Variants in FHDC1 observed in about 807,000 individuals in gnomAD.
FHDC1 encodes the protein FH2 domain containing 1, also known as FH2 domain-containing protein 1.
A neutral mutation model predicts 52.6 loss-of-function variants in FHDC1; 25 were observed. The observed-to-expected ratio is 0.48, with a 90% CI of 0.35 to 0.66. FHDC1 has a LOEUF of 0.66. Ranked by LOEUF, FHDC1 falls within the 30% of genes least tolerant of loss-of-function variation. The probability of loss-of-function intolerance (pLI) is 0.01; values close to 1 mark genes in which losing one functional copy is unlikely to be tolerated. For missense variants in FHDC1, 1,459 were observed against 1,452.8 expected, an observed-to-expected ratio of 1.00 and a Z score of -0.07; for synonymous variants, 616 against 581.5, an observed-to-expected ratio of 1.06 and a Z score of -0.85.
At chr4:152,962,926 C>A in intron 7 of FHDC1, 42 bp downstream of exon 7, 23 of 1,533,332 alleles carry the variant, frequency 1.5e-5, no homozygotes, top group Non-Finnish European at 2.1e-5. Flanking sequence ...TGTTTTCAAC[C>A]TTGTCTATCT....
chr4:152,914,152 C>G, the FHDC1 span, among the ~76,000 whole-genome samples: 2 of 152,146 alleles, frequency 1.3e-5, no homozygotes, highest in South Asian at 4.1e-4. Flanking sequence ...GGTCACAGTT[C>G]CTTTACTATT....
the FHDC1 span, among the ~76,000 whole-genome samples, chr4:152,925,876 A>G: frequency 4.2e-5 from 4 of 94,610 alleles, no homozygotes; most frequent in Admixed American, 1.2e-4. Context: ...GAAGGAGGAG[A>G]AGGAGGAGGA....
intron 1 of FHDC1, among the ~76,000 whole-genome samples, chr4:152,937,627 C>T (rs907202542): frequency 4.6e-5 from 7 of 151,642 alleles, no homozygotes; most frequent in African/African-American, 1.7e-4. Flanking sequence ...CGCTGGGCGC[C>T]CGCCCCGCAG....
chr4:152,959,619 T>A (rs28427240), intron 4 of FHDC1, among the ~76,000 whole-genome samples: 1 of 151,788 alleles, frequency 6.6e-6, no homozygotes, highest in South Asian at 2.1e-4. Flanking sequence ...CAGGCTAGTC[T>A]TGAACTCCTG....
intron 10 of FHDC1, 62 bp from the exon 11 acceptor site, chr4:152,972,315 T>C: frequency 6.7e-7 from 1 of 1,495,676 alleles, no homozygotes; most frequent in South Asian, 1.4e-5. Flanking sequence ...CCGGATGCAG[T>C]GCCCAGCGCC....
chr4:152,967,320 T>G (rs1403721815), intron 9 of FHDC1, among the ~76,000 whole-genome samples: 2 of 151,762 alleles, frequency 1.3e-5, no homozygotes, highest in Non-Finnish European at 2.9e-5. Context: ...CCAACTACTC[T>G]GGAGGCTGAG....
At chr4:152,929,620 A>C in the FHDC1 span, among the ~76,000 whole-genome samples, 1 of 152,166 alleles carries the variant, frequency 6.6e-6, no homozygotes, top group Admixed American at 6.5e-5. This position sits in a 1 kb window ranked among gnomAD's most constrained non-coding sequence, Gnocchi z 4.1. Flanking sequence ...TTCAGGGATC[A>C]CCAGAGACCC....
chr4:152,939,554 A>T (rs1025559568), intron 1 of FHDC1, among the ~76,000 whole-genome samples: 1 of 152,082 alleles, frequency 6.6e-6, no homozygotes, highest in African/African-American at 2.4e-5. Context: ...ACGTTCTAAG[A>T]TTTTTTGTCT....
the FHDC1 span, among the ~76,000 whole-genome samples, chr4:152,913,355 A>G: frequency 3.9e-5 from 6 of 152,242 alleles, no homozygotes; most frequent in African/African-American, 1.2e-4. Flanking sequence ...AAAGTGTTAC[A>G]TAAAGTAAAA....
chr4:152,975,400 G>T lies in FHDC1; in HGVS notation c.2109G>T (p.Pro703=). 6.2e-7 allele frequency: 1 copy of T among 1,613,634 alleles called. No individual in the cohort carries two copies. Among genetic ancestry groups the T allele is most frequent in the Non-Finnish European group, 8.5e-7 (1 of 1,180,040 alleles). ...TSQLTLSDFS[P]MELESVGHRG... ...AGCTGACTCTGAGTGACTTCAGCCC[G>T]ATGGAGCTAGAGTCTGTGGGGCATA... The change falls in exon 12 of 12, where the codon CCG becomes CCT. Residue 703 remains proline (P), a synonymous_variant. Coordinates refer to ENST00000511601, the MANE Select transcript of FHDC1 (RefSeq NM_001371116.1).
At chr4:152,920,193 C>T in the FHDC1 span, among the ~76,000 whole-genome samples, 1 of 151,890 alleles carries the variant, frequency 6.6e-6, no homozygotes, top group Non-Finnish European at 1.5e-5. Flanking sequence ...GTGATCCACC[C>T]CCATTGGCCT....
the FHDC1 span, among the ~76,000 whole-genome samples, chr4:152,921,624 CCCTT>C: frequency 8.0e-6 from 1 of 125,420 alleles, no homozygotes; most frequent in East Asian, 2.7e-4. Context: ...CTCCCTTTTT[CCCTT>C]CCTTCCTTTT....
chr4:152,974,684 G>A lies in FHDC1; in HGVS notation c.1393G>A (p.Asp465Asn), dbSNP rs151087640. 69 of 1,508,350 alleles carry A rather than the reference G, an allele frequency of 4.6e-5. No homozygotes were observed. In the African/African-American group the frequency reaches 8.5e-4, roughly 19 times the overall value. The allele number at this position is 1,508,350 out of a possible 1,614,324, so 93.4% of individuals were successfully genotyped here. Reference sequence around the variant, plus strand: ...TCTCTCCATCCCTCAGGACAACCACGACCGGGAGGCGCAGGAGCTGAGGCA... The same window carrying A: ...TCTCTCCATCCCTCAGGACAACCACAACCGGGAGGCGCAGGAGCTGAGGCA... The part of the protein sequence containing the change: ...KFNKAVKDNH[D>N]REAQELRQLQ... Residue 465 changes from aspartate (D) to asparagine (N), a missense_variant, in exon 12 of 12, where the codon GAC becomes AAC. Physicochemically the swap from Asp to Asn is conservative, Grantham distance 23. Coordinates refer to ENST00000511601, the MANE Select transcript of FHDC1 (RefSeq NM_001371116.1).
At chr4:152,923,785 T>A in the FHDC1 span, among the ~76,000 whole-genome samples, 2 of 151,792 alleles carry the variant, frequency 1.3e-5, no homozygotes, top group African/African-American at 4.8e-5. Context: ...AAATGGTGCC[T>A]GGAAAACTGG....
Position 152,963,769 on chromosome 4 carries a change from G to GTT in FHDC1, c.1029+672_1029+673dup, listed in dbSNP as rs58783965. ...GGAGTCTGATCCTATCCATTGCTTT[G>GTT]TTTTTTTTTTTTTTTTTTTTTTTTT... On this transcript the variant is annotated intron_variant, in intron 8 of 11. Transcript: ENST00000511601. Among the ~76,000 whole-genome samples the GTT allele has an allele frequency of 8.1e-3, 417 of 51,788 alleles. 88 individuals are homozygous for GTT. Among genetic ancestry groups the GTT allele is most frequent in the Non-Finnish European group, 9.5e-3 (258 of 27,130 alleles). 34.0% of individuals were successfully genotyped at this position (51,788 alleles called of 152,430 possible). A position where few individuals can be genotyped will look rare whatever the true frequency, so the allele number is the denominator to read the frequency against.
At chr4:152,956,492 C>T (rs747129120) in intron 4 of FHDC1, among the ~76,000 whole-genome samples, 1 of 152,120 alleles carries the variant, frequency 6.6e-6, no homozygotes, top group East Asian at 1.9e-4. Flanking sequence ...TTCAAAGAAG[C>T]AAGTAAGCTG....
At chr4:152,970,156 T>C (rs762385117) in intron 10 of FHDC1, among the ~76,000 whole-genome samples, 1 of 152,184 alleles carries the variant, frequency 6.6e-6, no homozygotes, top group Non-Finnish European at 1.5e-5. Context: ...TCTTCAAGGA[T>C]TCAGAGCAGA....
At chr4:152,949,160 G>T (rs1454088866) in intron 2 of FHDC1, among the ~76,000 whole-genome samples, 4 of 134,950 alleles carry the variant, frequency 3.0e-5, no homozygotes, top group Admixed American at 7.6e-5. Context: ...AGAAGAAGAA[G>T]AAGAAGAAGA....
chr4:152,951,543 G>T (rs916192724), intron 2 of FHDC1, among the ~76,000 whole-genome samples: 1 of 152,048 alleles, frequency 6.6e-6, no homozygotes, highest in African/African-American at 2.4e-5. Context: ...TCAAAAGAAG[G>T]CAACCATACT....
Sources: allele counts gnomAD v4.1 joint callset (sites outside exome capture counted in the v4.1 genomes callset), GRCh38; gene constraint gnomAD v4.1.1; non-coding constraint Gnocchi (gnomAD v3.1); transcripts MANE v1.5; gene names NCBI Gene and HGNC (gene_info 2026-07-23, HGNC 2026-07-21).